Variants in SCHIP1 observed in about 807,000 individuals in gnomAD.
The protein encoded by SCHIP1 is schwannomin-interacting protein 1.
Under a neutral mutation model 29.7 loss-of-function variants are expected in SCHIP1, and 8 were observed. That is an observed-to-expected ratio of 0.27 (90% CI 0.16 to 0.49). The LOEUF (loss-of-function observed/expected upper bound fraction) is 0.49, where lower values mean the gene tolerates loss of function less well. Ranked by LOEUF, SCHIP1 falls within the 20% of genes least tolerant of loss-of-function variation. SCHIP1 has a pLI of 0.99. For synonymous variants in SCHIP1, 76 were observed against 94.9 expected (o/e 0.80, Z 1.16); for missense variants, 193 against 294.6 (o/e 0.66, Z 2.52).
the SCHIP1 span, among the ~76,000 whole-genome samples, chr3:159,670,706 A>T: frequency 6.6e-6 from 1 of 151,152 alleles, no homozygotes; most frequent in South Asian, 2.1e-4. Context: ...GAATTTTTTT[A>T]AAAAGATACT....
the SCHIP1 span, among the ~76,000 whole-genome samples, chr3:159,807,982 G>T: frequency 6.6e-6 from 1 of 152,162 alleles, no homozygotes; most frequent in Non-Finnish European, 1.5e-5. Context: ...TCTAACTCAA[G>T]AGCCCTGTTC....
At chr3:159,817,696 G>A in the SCHIP1 span, among the ~76,000 whole-genome samples, 1 of 152,068 alleles carries the variant, frequency 6.6e-6, no homozygotes, top group Non-Finnish European at 1.5e-5. Context: ...TTTTTGTTTT[G>A]TTTTGTTTCT....
At chr3:159,384,302 A>G in the SCHIP1 span, among the ~76,000 whole-genome samples, 1 of 151,814 alleles carries the variant, frequency 6.6e-6, no homozygotes, top group Non-Finnish European at 1.5e-5. Flanking sequence ...TAACTTATTG[A>G]GAGTTTTTAG....
intron 5 of SCHIP1, among the ~76,000 whole-genome samples, chr3:159,891,187 A>G (rs1426981355): frequency 6.6e-6 from 1 of 152,008 alleles, no homozygotes; most frequent in Non-Finnish European, 1.5e-5. Context: ...CTGGCTAACA[A>G]GGCAAAACCC....
chr3:159,890,791 CTT>C (rs1717437872), intron 5 of SCHIP1, among the ~76,000 whole-genome samples: 1 of 151,398 alleles, frequency 6.6e-6, no homozygotes, highest in Non-Finnish European at 1.5e-5. Flanking sequence ...GGGGGGCTCT[CTT>C]TTTAAAAATG....
At chr3:159,724,151 G>C in the SCHIP1 span, among the ~76,000 whole-genome samples, 1 of 152,092 alleles carries the variant, frequency 6.6e-6, no homozygotes, top group Admixed American at 6.6e-5. Context: ...ATTTTCTATA[G>C]GGATTGACCA....
At chr3:159,721,325 A>G in the SCHIP1 span, among the ~76,000 whole-genome samples, 187 of 152,322 alleles carry the variant, frequency 1.2e-3, no homozygotes, top group African/African-American at 4.4e-3. Flanking sequence ...TTTAAATAGG[A>G]AATCTATGCA....
At chr3:159,725,227 TGAGA>T in the SCHIP1 span, among the ~76,000 whole-genome samples, 22 of 151,144 alleles carry the variant, frequency 1.5e-4, no homozygotes, top group Admixed American at 1.4e-3. Flanking sequence ...CTTGGGAAGA[TGAGA>T]GAGAGAGAGA....
chr3:159,398,169 T>G, the SCHIP1 span, among the ~76,000 whole-genome samples: 3 of 152,132 alleles, frequency 2.0e-5, no homozygotes, highest in Non-Finnish European at 4.4e-5. Flanking sequence ...AGGCAATGCC[T>G]CACCCTGCTT....
chr3:159,635,065 C>A, the SCHIP1 span, among the ~76,000 whole-genome samples: 7 of 152,246 alleles, frequency 4.6e-5, no homozygotes, highest in African/African-American at 1.7e-4. Context: ...AGATATTCTG[C>A]AAATCTAGGC....
At chr3:159,281,491 T>C in the SCHIP1 span, among the ~76,000 whole-genome samples, 53 of 152,298 alleles carry the variant, frequency 3.5e-4, no homozygotes, top group African/African-American at 1.2e-3. Context: ...AGCTAAAAAG[T>C]ATAGTTTTGA....
the SCHIP1 span, among the ~76,000 whole-genome samples, chr3:159,426,835 C>T: frequency 1.3e-5 from 2 of 152,270 alleles, no homozygotes; most frequent in African/African-American, 2.4e-5. Context: ...GCTTATCCAC[C>T]ATGATCAAGT....
chr3:159,637,234 T>C, the SCHIP1 span, among the ~76,000 whole-genome samples: 1 of 152,166 alleles, frequency 6.6e-6, no homozygotes, highest in Non-Finnish European at 1.5e-5. Context: ...TGCTAGACTA[T>C]CACCACACTG....
At chr3:159,600,860 T>C in the SCHIP1 span, among the ~76,000 whole-genome samples, 1 of 152,240 alleles carries the variant, frequency 6.6e-6, no homozygotes, top group African/African-American at 2.4e-5. Context: ...GTGATGTTGG[T>C]TGGGTAGGGC....
At chr3:159,795,461 G>A in the SCHIP1 span, among the ~76,000 whole-genome samples, 1 of 152,178 alleles carries the variant, frequency 6.6e-6, no homozygotes, top group South Asian at 2.1e-4. Flanking sequence ...TACTTCTGTT[G>A]GCTCAATTTC....
chr3:159,819,510 CAGAA>C, the SCHIP1 span, among the ~76,000 whole-genome samples: 1 of 152,094 alleles, frequency 6.6e-6, no homozygotes, highest in Non-Finnish European at 1.5e-5. Context: ...AAAACAAAAA[CAGAA>C]AGAAAAAAGC....
At chr3:159,294,157 T>C in the SCHIP1 span, among the ~76,000 whole-genome samples, 2 of 152,192 alleles carry the variant, frequency 1.3e-5, no homozygotes, top group Non-Finnish European at 2.9e-5. Context: ...TTTGGATCTT[T>C]GGAAACTGCT....
the SCHIP1 span, among the ~76,000 whole-genome samples, chr3:159,480,199 G>A: frequency 1.3e-5 from 2 of 152,092 alleles, no homozygotes; most frequent in Non-Finnish European, 2.9e-5. Context: ...TTTTTCTTTG[G>A]TGTTAAAGAA....
chr3:159,514,666 T>C, the SCHIP1 span, among the ~76,000 whole-genome samples: 1 of 152,230 alleles, frequency 6.6e-6, no homozygotes, highest in Non-Finnish European at 1.5e-5. Flanking sequence ...TTAAACACTA[T>C]TTTTATTGAA....
Sources: gnomAD v4.1 joint callset for allele counts (sites outside exome capture counted in the v4.1 genomes callset) on GRCh38, gnomAD v4.1.1 for gene constraint, MANE v1.5 for transcripts, NCBI Gene and HGNC (gene_info 2026-07-23, HGNC 2026-07-21) for gene names.